CLCN5: variants seen among roughly 807,000 people sequenced by gnomAD.
The protein encoded by CLCN5 is Cl-/H+ antiporter 5, also known as H(+)/Cl(-) exchange transporter 5.
In CLCN5, 17 loss-of-function variants were observed where a neutral mutation model predicts 54.0. That is an observed-to-expected ratio of 0.31 (90% confidence interval 0.22 to 0.47). The LOEUF is 0.47. Ranked by LOEUF, CLCN5 falls within the 20% of genes least tolerant of loss-of-function variation. The pLI, the probability that CLCN5 is intolerant of heterozygous loss-of-function variation, is 1.00. For synonymous variants in CLCN5, 222 were observed against 233.0 expected (o/e 0.95, Z 0.43); for missense variants, 448 against 646.7 (o/e 0.69, Z 3.33).
chrX:50,077,885 AGGCATGGT>A (rs1166438700), intron 7 of CLCN5, among the ~76,000 whole-genome samples: 1 of 98,104 alleles, frequency 1.0e-5, no homozygotes, highest in East Asian at 3.4e-4. Context: ...AAAATTAGCC[AGGCATGGT>A]GGTGAGCACC....
Position 50,080,263 on chromosome X carries a change from AATCATATATATTTG to A in CLCN5, c.604-329_604-316del, listed in dbSNP as rs782568451. 4.0e-4 allele frequency among the ~76,000 whole-genome samples: 44 copies of A among 111,314 alleles called. No individual in the cohort carries two copies. The East Asian group carries it at 0.012, about 29-fold the overall frequency. On this transcript the variant is annotated intron_variant, in intron 7 of 14. Coordinates refer to ENST00000376091, the MANE Select transcript of CLCN5 (RefSeq NM_001127898.4). ...TAAGACTCTTGGTAAAATGACATGG[AATCATATATATTTG>A]ACTACAAAACCCATCAAAGCACTCA...
intron 3 of CLCN5, among the ~76,000 whole-genome samples, chrX:50,007,397 T>TTCTCTCTCTCTCTCTCTC (rs781888075): frequency 2.6e-4 from 17 of 64,387 alleles, no homozygotes; most frequent in East Asian, 5.3e-4. Flanking sequence ...CTCTCTCTCT[T>TTCTCTCTCTCTCTCTCTC]TCTCTCTCTC....
intron 3 of CLCN5, among the ~76,000 whole-genome samples, chrX:49,975,335 C>CT (rs1432797790): frequency 1.8e-5 from 2 of 111,416 alleles, no homozygotes; most frequent in African/African-American, 6.5e-5. Context: ...GTAGCCATAG[C>CT]TTACAGTACA....
At chrX:50,004,562 T>C (rs1930055997) in intron 3 of CLCN5, among the ~76,000 whole-genome samples, 1 of 110,852 alleles carries the variant, frequency 9.0e-6, no homozygotes, top group Non-Finnish European at 1.9e-5. Context: ...ACTATGTATC[T>C]CTAAAATCTA....
At chrX:49,951,763 A>G (rs1294865479) in intron 3 of CLCN5, among the ~76,000 whole-genome samples, 1 of 112,109 alleles carries the variant, frequency 8.9e-6, no homozygotes, top group Non-Finnish European at 1.9e-5. Context: ...ACTAGGTGAC[A>G]GGTCACTGAG....
At chrX:49,975,203 A>C (rs782473904) in intron 3 of CLCN5, among the ~76,000 whole-genome samples, 19 of 111,720 alleles carry the variant, frequency 1.7e-4, no homozygotes, top group Non-Finnish European at 3.2e-4. Flanking sequence ...GAGTAGTAGG[A>C]TATAAATAAC....
chrX:50,060,310 C>A (rs1203376756), intron 4 of CLCN5, among the ~76,000 whole-genome samples: 3 of 110,123 alleles, frequency 2.7e-5, no homozygotes, highest in Admixed American at 1.9e-4. Flanking sequence ...GCACCGTGCG[C>A]GAGCTGAAGC....
chrX:50,077,706 G>T (rs1300891161), intron 7 of CLCN5, among the ~76,000 whole-genome samples: 1 of 98,687 alleles, frequency 1.0e-5, no homozygotes, highest in African/African-American at 3.7e-5. Context: ...AATTGGCCAG[G>T]CGCGGTGGCC....
intron 3 of CLCN5, among the ~76,000 whole-genome samples, chrX:50,011,060 A>G (rs1930477437): frequency 2.7e-5 from 3 of 111,566 alleles, no homozygotes; most frequent in Non-Finnish European, 5.7e-5. Flanking sequence ...GTGCAAGAGA[A>G]AGGGCCTGAC....
intron 3 of CLCN5, among the ~76,000 whole-genome samples, chrX:50,036,327 T>C (rs1209464640): frequency 8.9e-6 from 1 of 112,235 alleles, no homozygotes; most frequent in Non-Finnish European, 1.9e-5. Context: ...CTTCTTCCAA[T>C]TTTCTTTTGT....
At chrX:50,037,148 G>T (rs1932035733) in intron 3 of CLCN5, among the ~76,000 whole-genome samples, 1 of 111,888 alleles carries the variant, frequency 8.9e-6, no homozygotes, top group African/African-American at 3.2e-5. Context: ...TGCTATTAAG[G>T]TTAAAGTAGC....
chrX:50,066,163 T>TA (rs11393952), intron 4 of CLCN5, among the ~76,000 whole-genome samples: 834 of 45,196 alleles, frequency 0.018, 8 homozygotes, highest in East Asian at 0.097. Context: ...AAAGTATAAT[T>TA]AAAAAAAAAA....
chrX:50,049,181 A>G (rs1932493868), intron 4 of CLCN5, among the ~76,000 whole-genome samples: 1 of 111,837 alleles, frequency 8.9e-6, no homozygotes, highest in Admixed American at 9.5e-5. Context: ...CATATATGAT[A>G]CCACGTTTTA....
chrX:49,939,662 A>C (rs1926220572), intron 3 of CLCN5, among the ~76,000 whole-genome samples: 1 of 110,732 alleles, frequency 9.0e-6, no homozygotes, highest in African/African-American at 3.3e-5. Flanking sequence ...GAGGGGAGGG[A>C]TAGCATTAGG....
rs1232966214 is a variant in CLCN5, at chrX:50,026,608, A to C, written c.17-15708A>C. ...TTTTTAGAGTATTGACCCCTTTATC[A>C]TTATGCAGTACCCCTCTTTATCGCT... On this transcript the variant is annotated intron_variant, in intron 3 of 14. Transcript: ENST00000376091. Among the ~76,000 whole-genome samples the C allele has an allele frequency of 4.5e-5, 5 of 111,606 alleles. No homozygotes were observed. The Admixed American group carries it at 4.8e-4, about 11-fold the overall frequency.
At position 50,018,868 on chromosome X, in the gene CLCN5, C is replaced by A. The variant is rs1218992140; in HGVS notation, c.17-23448C>A. On this transcript the variant is annotated intron_variant, in intron 3 of 14. Transcript: ENST00000376091. ...CTCGTGCTCAATTTGCTAATATGTT[C>A]AGGATTTTTGCATCTATGTTCATGG... Among the ~76,000 whole-genome samples the A allele has an allele frequency of 4.5e-5, 5 of 111,575 alleles. No individual in the cohort carries two copies. The Admixed American group carries it at 4.7e-4, about 11-fold the overall frequency.
At chrX:50,042,553 A>G (rs1257860997) in intron 4 of CLCN5, 91 bp downstream of exon 4, 1 of 604,900 alleles carries the variant, frequency 1.7e-6, no homozygotes, top group Non-Finnish European at 2.3e-6. Context: ...TTTCTAGCAC[A>G]CAGTCCTGTG....
Position 50,072,573 on chromosome X carries a change from A to G in CLCN5, c.400A>G (p.Ile134Val). 1.7e-6 allele frequency: 2 copies of G among 1,198,648 alleles called. No individual in the cohort carries two copies. The highest frequency in any genetic ancestry group is 1.1e-6 in the Non-Finnish European group (1 of 884,004). Residue 134 changes from isoleucine to valine, a missense_variant, in exon 6 of 15, where the codon ATT becomes GTT. By Grantham distance (29) the Ile-to-Val change is conservative. Coordinates refer to ENST00000376091, the MANE Select transcript of CLCN5 (RefSeq NM_001127898.4). ...TTCCGGCTGGTTGTTGATGCTCCTT[A>G]TTGGGCTTTTATCAGGTATGGTAAA... is the stretch of plus-strand genomic sequence containing the variant. ...AFSGWLLMLL[I>V]GLLSGSLAGL...
chrX:50,081,970 A>G (rs1933721122), intron 9 of CLCN5, 123 bp downstream of exon 9: 2 of 605,938 alleles, frequency 3.3e-6, no homozygotes, highest in Non-Finnish European at 5.3e-6. Flanking sequence ...CAGCAATTCC[A>G]CTTGTAGGAA....
Sources: allele counts gnomAD v4.1 joint callset (sites outside exome capture counted in the v4.1 genomes callset), GRCh38; gene constraint gnomAD v4.1.1; transcripts MANE v1.5; gene names NCBI Gene and HGNC (gene_info 2026-07-23, HGNC 2026-07-21).